Variants in CNTN3 observed in about 807,000 individuals in gnomAD.
The protein encoded by CNTN3 is contactin 3.
Under a neutral mutation model 119.1 loss-of-function variants are expected in CNTN3, and 60 were observed. The ratio of observed to expected loss-of-function variants is 0.50; its 90% CI spans 0.41 to 0.62. The LOEUF is 0.62. Among genes scored for constraint, CNTN3 ranks in the 20% least tolerant of loss-of-function variants. The pLI is 0.00. For missense variants in CNTN3, 1,101 were observed against 1,242.4 expected (o/e 0.89, Z 1.71); for synonymous variants, 450 against 438.7 (o/e 1.03, Z -0.32).
chr3:74,453,385 C>G (rs566679790), intron 4 of CNTN3, among the ~76,000 whole-genome samples: 2 of 152,028 alleles, frequency 1.3e-5, no homozygotes, highest in East Asian at 3.9e-4. Flanking sequence ...TTTTTTATTG[C>G]GTCTATTTGA....
chr3:74,407,989 T>A (rs767842376), intron 5 of CNTN3, among the ~76,000 whole-genome samples: 1 of 152,126 alleles, frequency 6.6e-6, no homozygotes, highest in Non-Finnish European at 1.5e-5. Flanking sequence ...AGCAGCATGG[T>A]GAGTCTCCAG....
At chr3:74,385,586 T>C (rs1289482578) in intron 5 of CNTN3, among the ~76,000 whole-genome samples, 1 of 152,178 alleles carries the variant, frequency 6.6e-6, no homozygotes, top group East Asian at 1.9e-4. Context: ...TGTGTGCCCT[T>C]TGATAAATTC....
intron 11 of CNTN3, among the ~76,000 whole-genome samples, chr3:74,358,957 T>G (rs1704013292): frequency 6.6e-6 from 1 of 152,054 alleles, no homozygotes; most frequent in Non-Finnish European, 1.5e-5. Context: ...TTTTTATGGC[T>G]GCATAGTATT....
At position 74,336,640 on chromosome 3, in the gene CNTN3, A is replaced by G. The variant is rs746801499; in HGVS notation, c.1383T>C (p.Asp461=). 3.1e-6 allele frequency: 5 copies of G among 1,607,962 alleles called. No individual in the cohort carries two copies. In the South Asian group the frequency reaches 4.4e-5, roughly 14 times the overall value. ...QEHERISLLN[D]GGLKIANVTK... is the part of the protein sequence containing the mutation. ...TCACATTGGCTATTTTGAGTCCTCC[A>G]TCGTTTAACAAAGAAATTCTAAAGC... Residue 461 remains aspartate (D), a synonymous_variant, in exon 12 of 23, where the codon GAT becomes GAC. Transcript: ENST00000263665.
At chr3:74,305,159 G>T (rs950235887) in intron 13 of CNTN3, among the ~76,000 whole-genome samples, 8 of 152,152 alleles carry the variant, frequency 5.3e-5, no homozygotes, top group African/African-American at 1.7e-4. Flanking sequence ...TGTGAAACAA[G>T]TTATGTTTAC....
chr3:74,516,529 A>G (rs779980839), intron 2 of CNTN3, among the ~76,000 whole-genome samples: 21 of 151,018 alleles, frequency 1.4e-4, no homozygotes, highest in Admixed American at 3.3e-4. Flanking sequence ...CATACCAAAT[A>G]TGTGTTAATT....
rs1222125240 is a variant in CNTN3, at chr3:74,478,628, A to G, written c.358+7828T>C. 2.0e-5 allele frequency among the ~76,000 whole-genome samples: 3 copies of G among 152,132 alleles called. No individual in the cohort carries two copies. In the East Asian group the frequency reaches 5.8e-4, roughly 29 times the overall value. On this transcript the variant is annotated intron_variant, in intron 4 of 22. Coordinates refer to ENST00000263665, the MANE Select transcript of CNTN3 (RefSeq NM_020872.3). ...AAAGAGGTAATAATGAGGTGAGCCC[A>G]GTGAGATGAGCGACACCATAGCGAC... is the stretch of plus-strand genomic sequence containing the variant.
chr3:74,440,759 C>T (rs1007420477), intron 4 of CNTN3, among the ~76,000 whole-genome samples: 10 of 151,992 alleles, frequency 6.6e-5, no homozygotes, highest in Admixed American at 1.3e-4. Flanking sequence ...CCTATCAACC[C>T]GTCATCTAGG....
intron 5 of CNTN3, among the ~76,000 whole-genome samples, chr3:74,377,501 C>T (rs2106803153): frequency 6.6e-6 from 1 of 152,196 alleles, no homozygotes; most frequent in Non-Finnish European, 1.5e-5. Context: ...TTCTCAAAAT[C>T]ATTTTATGTA....
At position 74,357,721 on chromosome 3, in the gene CNTN3, G is replaced by A. The variant is rs57362028; in HGVS notation, c.1364+4169C>T. Among the ~76,000 whole-genome samples the A allele has an allele frequency of 2.8e-4, 42 of 152,140 alleles. 1 individual carries two copies. The East Asian group carries it at 7.3e-3, about 27-fold the overall frequency. Reference sequence around the variant, plus strand: ...TGGCCTCTATGTTAGGCTAGAGAAAGCTTTCATCTTTATCATAAGTTTCTT... The same window carrying A: ...TGGCCTCTATGTTAGGCTAGAGAAAACTTTCATCTTTATCATAAGTTTCTT... On this transcript the variant is annotated intron_variant, in intron 11 of 22. Transcript: ENST00000263665.
At chr3:74,490,234 G>A (rs1460317583) in intron 3 of CNTN3, among the ~76,000 whole-genome samples, 1 of 152,168 alleles carries the variant, frequency 6.6e-6, no homozygotes, top group Non-Finnish European at 1.5e-5. Flanking sequence ...GTTACTAAGT[G>A]ACTAAATGCT....
rs754118736 is a variant in CNTN3, at chr3:74,336,609, C to T, written c.1414G>A (p.Ala472Thr). 6.2e-7 allele frequency: 1 copy of T among 1,612,192 alleles called. No homozygotes were observed. Among genetic ancestry groups the T allele is most frequent in the South Asian group, 1.1e-5 (1 of 90,956 alleles). Residue 472 changes from alanine to threonine, a missense_variant, in exon 12 of 23, where the codon GCT becomes ACT. Physicochemically the swap from Ala to Thr is moderately conservative, Grantham distance 58 (BLOSUM62 0). Coordinates refer to ENST00000263665, the MANE Select transcript of CNTN3 (RefSeq NM_020872.3). ...ATGCAGGTGTAAGTTCCAGCATCAGCTTTAGTCACATTGGCTATTTTGAGT... is the reference window on the plus strand; with the variant it reads ...ATGCAGGTGTAAGTTCCAGCATCAGTTTTAGTCACATTGGCTATTTTGAGT... ...GGLKIANVTK[A>T]DAGTYTCMAE...
chr3:74,429,787 T>C (rs1441678540), intron 4 of CNTN3, among the ~76,000 whole-genome samples: 1 of 152,044 alleles, frequency 6.6e-6, no homozygotes, highest in Non-Finnish European at 1.5e-5. Context: ...CAAAATTCAA[T>C]AGTATAAAAC....
chr3:74,576,735 G>T (rs1004276712), intron 1 of CNTN3, among the ~76,000 whole-genome samples: 1 of 151,768 alleles, frequency 6.6e-6, no homozygotes, highest in Non-Finnish European at 1.5e-5. Context: ...GACCTGTAAT[G>T]ATTTTTTTTT....
chr3:74,614,177 C>T (rs539129164), intron 1 of CNTN3, among the ~76,000 whole-genome samples: 2 of 152,334 alleles, frequency 1.3e-5, no homozygotes, highest in East Asian at 3.9e-4. Context: ...CCTTCCCAAC[C>T]CGAAACCAAT....
At chr3:74,307,678 C>T (rs1457576113) in intron 13 of CNTN3, among the ~76,000 whole-genome samples, 2 of 152,090 alleles carry the variant, frequency 1.3e-5, no homozygotes, top group East Asian at 1.9e-4. Flanking sequence ...TCACTAATTA[C>T]AGGTAGGCTG....
At position 74,330,036 on chromosome 3, in the gene CNTN3, C is replaced by T. The variant is rs147419693; in HGVS notation, c.1668+4699G>A. Among the ~76,000 whole-genome samples the T allele has an allele frequency of 8.8e-4, 134 of 152,248 alleles. 1 individual carries two copies. Among genetic ancestry groups the T allele is most frequent in the African/African-American group, 3.1e-3 (128 of 41,570 alleles). On this transcript the variant is annotated intron_variant, in intron 13 of 22. Transcript: ENST00000263665. ...GGACTTTTTGGTCAAGGATGGACCA[C>T]ATATATGACAGTGGTCCCATAAGAT...
intron 13 of CNTN3, among the ~76,000 whole-genome samples, chr3:74,328,285 C>T (rs1413100540): frequency 6.6e-6 from 1 of 151,966 alleles, no homozygotes; most frequent in Non-Finnish European, 1.5e-5. Flanking sequence ...TTTAATCATA[C>T]ATTATTTGAG....
At chr3:74,349,151 G>C (rs570018113) in intron 11 of CNTN3, among the ~76,000 whole-genome samples, 33 of 152,088 alleles carry the variant, frequency 2.2e-4, no homozygotes, top group Non-Finnish European at 3.4e-4. Flanking sequence ...AACAGTAGAT[G>C]TTAAATAAAT....
Sources: allele counts gnomAD v4.1 joint callset (sites outside exome capture counted in the v4.1 genomes callset), GRCh38; gene constraint gnomAD v4.1.1; transcripts MANE v1.5; gene names NCBI Gene and HGNC (gene_info 2026-07-23, HGNC 2026-07-21).